The following CREB5 variants were observed in gnomAD, a reference collection of about 807,000 sequenced individuals.
CREB5 encodes the protein cAMP responsive element binding protein 5.
CREB5 carries 19 observed loss-of-function variants against 57.1 expected under a neutral mutation model. The ratio of observed to expected loss-of-function variants is 0.33; its 90% CI spans 0.23 to 0.49. The LOEUF (loss-of-function observed/expected upper bound fraction) is 0.49, where lower values mean the gene tolerates loss of function less well. Ranked by LOEUF, CREB5 falls within the 20% of genes least tolerant of loss-of-function variation. The probability of loss-of-function intolerance (pLI) is 0.99; values close to 1 mark genes in which losing one functional copy is unlikely to be tolerated. For synonymous variants in CREB5, 238 were observed against 238.3 expected, an observed-to-expected ratio of 1.00 and a Z score of 0.01; for missense variants, 579 against 671.6, an observed-to-expected ratio of 0.86 and a Z score of 1.52.
chr7:28,552,658 C>CTAAT (rs2128634651), intron 4 of CREB5, among the ~76,000 whole-genome samples: 1 of 152,298 alleles, frequency 6.6e-6, no homozygotes, highest in Admixed American at 6.5e-5. Flanking sequence ...TGACTTTACT[C>CTAAT]ATTAGAGTGC....
chr7:28,484,083 G>A (rs981095241), intron 1 of CREB5, among the ~76,000 whole-genome samples: 2 of 152,150 alleles, frequency 1.3e-5, no homozygotes, highest in African/African-American at 4.8e-5. Flanking sequence ...CTAGGGTATG[G>A]CAGTTGCCAA....
intron 5 of CREB5, among the ~76,000 whole-genome samples, chr7:28,606,249 C>G (rs1373424983): frequency 1.3e-5 from 2 of 152,114 alleles, no homozygotes; most frequent in African/African-American, 2.4e-5. Flanking sequence ...TCCTACTTAA[C>G]TAGAGTTGTT....
intron 5 of CREB5, among the ~76,000 whole-genome samples, chr7:28,606,055 C>T (rs928117342): frequency 3.3e-4 from 50 of 152,206 alleles, no homozygotes; most frequent in African/African-American, 7.9e-4. Context: ...TTAAAAATTG[C>T]AATTAGAATA....
intron 3 of CREB5, among the ~76,000 whole-genome samples, chr7:28,502,054 G>A (rs755311260): frequency 6.6e-6 from 1 of 152,132 alleles, no homozygotes; most frequent in Admixed American, 6.5e-5. Context: ...AGCATTCCAT[G>A]TCTGTTGCTT....
At chr7:28,317,007 T>C (rs1438246966) in intron 1 of CREB5, among the ~76,000 whole-genome samples, 5 of 151,068 alleles carry the variant, frequency 3.3e-5, no homozygotes, top group Non-Finnish European at 4.4e-5. Flanking sequence ...AGGTAAGTCT[T>C]GATTTAATGG....
intron 5 of CREB5, among the ~76,000 whole-genome samples, chr7:28,706,310 C>G (rs1160772372): frequency 5.9e-5 from 9 of 151,884 alleles, no homozygotes; most frequent in Admixed American, 5.9e-4. Flanking sequence ...GAGCTGAGAT[C>G]GTGCCATTGC....
At chr7:28,760,307 A>G (rs1805572718) in intron 7 of CREB5, among the ~76,000 whole-genome samples, 1 of 152,200 alleles carries the variant, frequency 6.6e-6, no homozygotes, top group African/African-American at 2.4e-5. Flanking sequence ...GGGTATCTAC[A>G]TGTGGCAGCA....
chr7:28,385,476 A>G (rs973332032), intron 1 of CREB5, among the ~76,000 whole-genome samples: 3 of 152,150 alleles, frequency 2.0e-5, no homozygotes, highest in African/African-American at 7.2e-5. Context: ...CAGGAGATCA[A>G]GAACAGCCTG....
At chr7:28,660,011 C>T (rs544130240) in intron 5 of CREB5, among the ~76,000 whole-genome samples, 2 of 152,222 alleles carry the variant, frequency 1.3e-5, no homozygotes, top group South Asian at 2.1e-4. Context: ...AGCTACACTC[C>T]AAACTTCAAC....
chr7:28,316,711 A>G (rs1785391439), intron 1 of CREB5, among the ~76,000 whole-genome samples: 1 of 152,082 alleles, frequency 6.6e-6, no homozygotes, highest in South Asian at 2.1e-4. Context: ...GTTACATCCT[A>G]TTTTCTAGCT....
At chr7:28,739,641 C>G (rs13239206) in intron 7 of CREB5, among the ~76,000 whole-genome samples, 1 of 151,912 alleles carries the variant, frequency 6.6e-6, no homozygotes, top group East Asian at 1.9e-4. Context: ...AAAGCATATT[C>G]GAGTTTAGAG....
At chr7:28,655,545 G>A (rs899844038) in intron 5 of CREB5, among the ~76,000 whole-genome samples, 1 of 152,126 alleles carries the variant, frequency 6.6e-6, no homozygotes, top group Non-Finnish European at 1.5e-5. Flanking sequence ...AGACCAGGAG[G>A]TCAAGGCTGC....
rs1482849816 is a variant in CREB5, at chr7:28,718,843, C to G, written c.555C>G (p.Asn185Lys). The G allele has an allele frequency of 1.2e-6, 2 of 1,614,150 alleles. No individual in the cohort carries two copies. Among genetic ancestry groups the G allele is most frequent in the Admixed American group, 3.3e-5 (2 of 60,022 alleles). ...MPASMPGTLP[N>K]PTMPGSSAVL... ...CCTCCATGCCTGGGACCCTGCCCAACCCTACAATGCCAGGATCTTCCGCCG... is the reference window on the plus strand; with the variant it reads ...CCTCCATGCCTGGGACCCTGCCCAAGCCTACAATGCCAGGATCTTCCGCCG... Residue 185 changes from asparagine (N) to lysine (K), a missense_variant, in exon 6 of 11, where the codon AAC becomes AAG. Coordinates refer to ENST00000357727, the MANE Select transcript of CREB5 (RefSeq NM_182898.4).
chr7:28,560,881 T>TGTGCGCGCGTGTGTGC (rs1554344374), intron 4 of CREB5, among the ~76,000 whole-genome samples: 1 of 46,206 alleles, frequency 2.2e-5, no homozygotes, highest in African/African-American at 1.1e-4. Flanking sequence ...TGCGCGTGCG[T>TGTGCGCGCGTGTGTGC]GCGTGCGTGT....
rs1000462790 is a variant in CREB5 at position 28,825,525 on chromosome 7, G to A, written c.*6246G>A. 3 of 152,606 alleles carry A rather than the reference G, an allele frequency of 2.0e-5. No homozygotes were observed. Among genetic ancestry groups the A allele is most frequent in the Non-Finnish European group, 2.9e-5 (2 of 68,022 alleles). The allele number at this position is 152,606 out of a possible 1,614,324, so 9.5% of individuals were successfully genotyped here. A position where few individuals can be genotyped will look rare whatever the true frequency, so the allele number is the denominator to read the frequency against. ...GCACTGTGTAAAGTAAGTGTTAACT[G>A]AGGAAGTCCCAAAAAGGTGCTGTCA... On this transcript the variant is annotated 3_prime_UTR_variant, in exon 11 of 11. Transcript: ENST00000357727.
intron 5 of CREB5, among the ~76,000 whole-genome samples, chr7:28,677,902 AAGAG>A (rs772566404): frequency 2.0e-5 from 3 of 151,612 alleles, no homozygotes; most frequent in Non-Finnish European, 4.4e-5. Flanking sequence ...AAATGAAAGA[AAGAG>A]AGAAAGAGAG....
In CREB5 at chr7:28,720,335, T is replaced by G. The variant is rs80258374; in HGVS notation, c.591+1456T>G. On this transcript the variant is annotated intron_variant, in intron 6 of 10. Transcript: ENST00000357727. ...AAATTGTTTCCATTGTTATTTCATT[T>G]TATTCTCACAGCAATCCTGTGGGGA... is the stretch of plus-strand genomic sequence containing the variant. Among the ~76,000 whole-genome samples, 716 of 152,352 alleles carry G rather than the reference T, an allele frequency of 4.7e-3. 2 individuals are homozygous for G. The highest frequency in any genetic ancestry group is 0.017 in the African/African-American group (692 of 41,586).
chr7:28,353,297 G>C (rs1374249839), intron 1 of CREB5, among the ~76,000 whole-genome samples: 1 of 152,070 alleles, frequency 6.6e-6, no homozygotes, highest in Non-Finnish European at 1.5e-5. Context: ...TGGCCAGGCT[G>C]GTCTTGAGGA....
At chr7:28,807,800 A>C (rs1489008258) in intron 8 of CREB5, among the ~76,000 whole-genome samples, 1 of 152,124 alleles carries the variant, frequency 6.6e-6, no homozygotes, top group Non-Finnish European at 1.5e-5. Flanking sequence ...AAAAAAAAAA[A>C]CACCTTTTAT....
Sources: allele counts gnomAD v4.1 joint callset (sites outside exome capture counted in the v4.1 genomes callset), GRCh38; gene constraint gnomAD v4.1.1; transcripts MANE v1.5; gene names NCBI Gene and HGNC (gene_info 2026-07-23, HGNC 2026-07-21).